TMEM272: variants seen among roughly 807,000 people sequenced by gnomAD.
TMEM272 encodes long intergenic non-protein coding RNA 282.
TMEM272 carries 8 observed loss-of-function variants against 3.7 expected under a neutral mutation model. The ratio of observed to expected loss-of-function variants is 2.17; its 90% CI spans 1.27 to 3.91. The LOEUF (loss-of-function observed/expected upper bound fraction) is 3.91. Ranked by LOEUF, TMEM272 falls within the 30% of genes most tolerant of loss-of-function variation. The probability of loss-of-function intolerance (pLI) is 0.00; values close to 1 mark genes in which losing one functional copy is unlikely to be tolerated. For missense variants in TMEM272, 166 were observed against 91.5 expected, an observed-to-expected ratio of 1.81 and a Z score of -3.32; for synonymous variants, 63 against 39.8, an observed-to-expected ratio of 1.58 and a Z score of -2.20.
At chr13:51,923,038 G>A in the TMEM272 span, among the ~76,000 whole-genome samples, 1 of 152,216 alleles carries the variant, frequency 6.6e-6, no homozygotes, top group Admixed American at 6.5e-5. Context: ...CCACTGTTCT[G>A]CCAGCTGCAG....
intron 2 of TMEM272, among the ~76,000 whole-genome samples, chr13:51,833,496 G>A (rs1956190087): frequency 6.6e-6 from 1 of 152,188 alleles, no homozygotes; most frequent in South Asian, 2.1e-4. Context: ...GAGCAATTGT[G>A]AGGCTCCAGC....
At chr13:51,835,847 A>G (rs1413840479) in intron 2 of TMEM272, among the ~76,000 whole-genome samples, 1 of 152,234 alleles carries the variant, frequency 6.6e-6, no homozygotes, top group Non-Finnish European at 1.5e-5. Flanking sequence ...TTAGTTGGAA[A>G]TAATCCCAGT....
chr13:51,903,549 G>A, the TMEM272 span, among the ~76,000 whole-genome samples: 2 of 152,104 alleles, frequency 1.3e-5, no homozygotes, highest in African/African-American at 4.8e-5. Context: ...AGGGCAAACT[G>A]CTCCCCCTAC....
chr13:51,887,816 G>A, the TMEM272 span, among the ~76,000 whole-genome samples: 1 of 152,116 alleles, frequency 6.6e-6, no homozygotes, highest in Non-Finnish European at 1.5e-5. Flanking sequence ...AGGCCCACTG[G>A]GGAACAAGGG....
upstream of TMEM272, among the ~76,000 whole-genome samples, chr13:51,848,317 C>G (rs988688468): frequency 8.5e-5 from 13 of 152,254 alleles, no homozygotes; most frequent in Middle Eastern, 3.4e-3. Context: ...AGGCATATGG[C>G]TACTAAGTGT....
At chr13:51,832,492 A>G (rs1239523496) in intron 2 of TMEM272, among the ~76,000 whole-genome samples, 1 of 152,180 alleles carries the variant, frequency 6.6e-6, no homozygotes, top group Non-Finnish European at 1.5e-5. Flanking sequence ...GCTATCAAAT[A>G]CCCAGAAGGC....
chr13:51,872,928 C>T, the TMEM272 span, among the ~76,000 whole-genome samples: 5 of 152,228 alleles, frequency 3.3e-5, no homozygotes, highest in African/African-American at 1.2e-4. Flanking sequence ...AATGCCCCCT[C>T]TTCTGGGAAG....
chr13:51,912,705 G>C, the TMEM272 span, among the ~76,000 whole-genome samples: 1 of 152,314 alleles, frequency 6.6e-6, no homozygotes, highest in South Asian at 2.1e-4. Context: ...CTCGGTGTCT[G>C]CCTACTGACC....
chr13:51,902,269 A>G, the TMEM272 span, among the ~76,000 whole-genome samples: 6 of 152,322 alleles, frequency 3.9e-5, no homozygotes, highest in African/African-American at 9.6e-5. Flanking sequence ...TCAGTGTGGG[A>G]CTGAAGGGGT....
chr13:51,921,236 T>C, the TMEM272 span: 1 of 152,238 alleles, frequency 6.6e-6, no homozygotes, highest in African/African-American at 2.4e-5. Context: ...CTTCAAGACC[T>C]GGTGCAGAGC....
At chr13:51,858,749 A>T in the TMEM272 span, among the ~76,000 whole-genome samples, 3 of 152,162 alleles carry the variant, frequency 2.0e-5, no homozygotes, top group Non-Finnish European at 4.4e-5. Context: ...AAAGGAAAAA[A>T]ACTCAGCAAA....
At chr13:51,877,200 T>C in the TMEM272 span, among the ~76,000 whole-genome samples, 1 of 152,228 alleles carries the variant, frequency 6.6e-6, no homozygotes, top group Non-Finnish European at 1.5e-5. Context: ...ATCATTTAAA[T>C]GCTGTGTAAC....
the TMEM272 span, among the ~76,000 whole-genome samples, chr13:51,870,184 T>G: frequency 6.6e-6 from 1 of 152,208 alleles, no homozygotes; most frequent in Non-Finnish European, 1.5e-5. Context: ...GGAGGGGATC[T>G]CACACTCAAA....
the TMEM272 span, among the ~76,000 whole-genome samples, chr13:51,869,785 G>A: frequency 4.6e-5 from 7 of 152,164 alleles, no homozygotes; most frequent in African/African-American, 1.7e-4. Flanking sequence ...ACCGCGCCTG[G>A]CCTCAATTCA....
the TMEM272 span, among the ~76,000 whole-genome samples, chr13:51,910,842 T>C: frequency 9.5e-4 from 145 of 152,258 alleles, no homozygotes; most frequent in Middle Eastern, 0.01. Context: ...ACACTCTACA[T>C]CCTGAGGCAG....
At chr13:51,909,649 A>C in the TMEM272 span, 2 of 1,511,404 alleles carry the variant, frequency 1.3e-6, no homozygotes, top group Non-Finnish European at 1.8e-6. Context: ...GTTGTTAAAG[A>C]AGCATTTAAC....
the TMEM272 span, among the ~76,000 whole-genome samples, chr13:51,851,739 G>T: frequency 6.6e-6 from 1 of 152,160 alleles, no homozygotes; most frequent in African/African-American, 2.4e-5. Flanking sequence ...TGGCCAGGCT[G>T]CTCTCAAACT....
chr13:51,933,758 ACAGT>A, the TMEM272 span: 1 of 152,324 alleles, frequency 6.6e-6, no homozygotes, highest in Admixed American at 6.5e-5. Flanking sequence ...CCACGAGGTG[ACAGT>A]CAGAAGACTG....
the TMEM272 span, among the ~76,000 whole-genome samples, chr13:51,859,616 G>A: frequency 1.3e-5 from 2 of 151,508 alleles, no homozygotes; most frequent in African/African-American, 2.4e-5. Flanking sequence ...TTAGCTGATC[G>A]TTAAGCTAAT....
Sources: gnomAD v4.1 joint callset for allele counts (sites outside exome capture counted in the v4.1 genomes callset) on GRCh38, gnomAD v4.1.1 for gene constraint, MANE v1.5 for transcripts, NCBI Gene and HGNC (gene_info 2026-07-23, HGNC 2026-07-21) for gene names.